GRIA3: variants seen among roughly 807,000 people sequenced by gnomAD.
The protein encoded by GRIA3 is glutamate receptor 3.
In GRIA3, 3 loss-of-function variants were observed where a neutral mutation model predicts 63.0. The observed-to-expected ratio is 0.05, with a 90% confidence interval of 0.02 to 0.12. GRIA3 has a LOEUF of 0.12. GRIA3 is among the 10% of genes least tolerant of loss of function. GRIA3 has a pLI of 1.00. For synonymous variants in GRIA3, 274 were observed against 257.9 expected, an observed-to-expected ratio of 1.06 and a Z score of -0.60; for missense variants, 347 against 700.9, an observed-to-expected ratio of 0.50 and a Z score of 5.70.
chrX:123,463,704 G>GAAAGAGAGAGAAAGAAAGAA (rs2045816026), intron 12 of GRIA3, among the ~76,000 whole-genome samples: 1 of 11,717 alleles, frequency 8.5e-5, no homozygotes, highest in African/African-American at 6.8e-4. Context: ...GAAAGAAAAA[G>GAAAGAGAGAGAAAGAAAGAA]AAAGAAAGAA....
rs2044918426 is a variant in GRIA3 at position 123,328,173 on chromosome X, G to A, written c.696+1960G>A. 2.7e-5 allele frequency among the ~76,000 whole-genome samples: 3 copies of A among 111,223 alleles called. No homozygotes were observed. In the Admixed American group the frequency reaches 2.9e-4, roughly 11 times the overall value. Reference sequence around the variant, plus strand: ...ATTCTATATAATTGTGGGACCTTGGGCACTTAAATATCTATGCCTCAGTTT... The same window carrying A: ...ATTCTATATAATTGTGGGACCTTGGACACTTAAATATCTATGCCTCAGTTT... On this transcript the variant is annotated intron_variant, in intron 4 of 15. Transcript: ENST00000620443.
intron 5 of GRIA3, among the ~76,000 whole-genome samples, chrX:123,370,199 C>T (rs1265349160): frequency 8.9e-6 from 1 of 111,935 alleles, no homozygotes; most frequent in Non-Finnish European, 1.9e-5. Flanking sequence ...AACTGCTGTC[C>T]TTCATACAAA....
intron 2 of GRIA3, among the ~76,000 whole-genome samples, chrX:123,222,877 T>C (rs1176755302): frequency 8.9e-6 from 1 of 112,309 alleles, no homozygotes; most frequent in Non-Finnish European, 1.9e-5. Context: ...CACCACGAGA[T>C]CTATATCAAG....
chrX:123,224,500 C>T (rs2044234980), intron 2 of GRIA3, among the ~76,000 whole-genome samples: 1 of 111,905 alleles, frequency 8.9e-6, no homozygotes, highest in South Asian at 3.7e-4. Flanking sequence ...CTAACCTATT[C>T]TCCTCGTTTT....
chrX:123,474,607 C>T (rs774812442), intron 13 of GRIA3, among the ~76,000 whole-genome samples: 8 of 110,889 alleles, frequency 7.2e-5, no homozygotes, highest in African/African-American at 1.6e-4. Flanking sequence ...CACTTGAACC[C>T]GGGAGGCGGA....
At chrX:123,264,071 G>T in intron 3 of GRIA3, among the ~76,000 whole-genome samples, 1 of 112,134 alleles carries the variant, frequency 8.9e-6, no homozygotes, top group East Asian at 2.8e-4. Flanking sequence ...GGAAACTGAG[G>T]TTGGCACAAA....
At chrX:123,331,927 G>A (rs150287653) in intron 4 of GRIA3, among the ~76,000 whole-genome samples, 124 of 111,641 alleles carry the variant, frequency 1.1e-3, no homozygotes, top group African/African-American at 3.8e-3. Flanking sequence ...GAAAGCACTT[G>A]GTACAGTGCT....
At position 123,390,971 on chromosome X, in the gene GRIA3, G is replaced by A. The variant is rs181164226; in HGVS notation, c.751-3997G>A. On this transcript the variant is annotated intron_variant, in intron 5 of 15. Coordinates refer to ENST00000620443, the MANE Select transcript of GRIA3 (RefSeq NM_007325.5). ...TCATTCAATGAATTATTCAGCTTTA[G>A]AATTTCTATGTGTTTTTCTTTTTAT... 2.0e-3 allele frequency among the ~76,000 whole-genome samples: 220 copies of A among 110,660 alleles called. 2 individuals are homozygous for A. The highest frequency in any genetic ancestry group is 7.0e-3 in the African/African-American group (213 of 30,504).
At chrX:123,395,588 T>C (rs1417398669) in intron 6 of GRIA3, among the ~76,000 whole-genome samples, 1 of 111,923 alleles carries the variant, frequency 8.9e-6, no homozygotes, top group East Asian at 2.8e-4. Context: ...ACATTGCCTA[T>C]ATGTATATTG....
At chrX:123,314,044 C>G (rs963017339) in intron 3 of GRIA3, among the ~76,000 whole-genome samples, 17 of 111,102 alleles carry the variant, frequency 1.5e-4, no homozygotes. Context: ...GCCTTCCCCC[C>G]ACTGCCACCC....
At chrX:123,251,494 G>A (rs950925320) in intron 2 of GRIA3, among the ~76,000 whole-genome samples, 16 of 111,299 alleles carry the variant, frequency 1.4e-4, no homozygotes, top group African/African-American at 3.3e-4. Context: ...GGAGTGCAGC[G>A]GCACGATCTC....
chrX:123,410,314 C>G (rs955526919), intron 10 of GRIA3, among the ~76,000 whole-genome samples: 1 of 111,668 alleles, frequency 9.0e-6, no homozygotes, highest in African/African-American at 3.3e-5. Context: ...GCAGTTACAA[C>G]TAAGGATAAA....
rs1407363073 is a variant in GRIA3 at position 123,490,791 on chromosome X, G to T, written c.*2081G>T. The T allele has an allele frequency of 8.9e-6, 1 of 112,059 alleles. No homozygotes were observed. The highest frequency in any genetic ancestry group is 1.9e-5 in the Non-Finnish European group (1 of 53,157). 9.2% of individuals were successfully genotyped at this position (112,059 alleles called of 1,213,427 possible). ...CTGTACTTCAGTGAACAGAAAAATT[G>T]CCAAGCAAACTAATGGCTATAAAAG... On this transcript the variant is annotated 3_prime_UTR_variant, in exon 16 of 16. Transcript: ENST00000620443.
chrX:123,187,636 C>A (rs1927315565), intron 2 of GRIA3, among the ~76,000 whole-genome samples: 1 of 111,860 alleles, frequency 8.9e-6, no homozygotes, highest in Non-Finnish European at 1.9e-5. Flanking sequence ...GGGTTTATTA[C>A]CATTAGTAAC....
At chrX:123,380,540 T>C (rs1167887554) in intron 5 of GRIA3, among the ~76,000 whole-genome samples, 1 of 111,995 alleles carries the variant, frequency 8.9e-6, no homozygotes, top group Non-Finnish European at 1.9e-5. Flanking sequence ...AGATTCTGGA[T>C]ATTAGCCCTT....
intron 12 of GRIA3, among the ~76,000 whole-genome samples, chrX:123,438,125 C>G (rs1471598502): frequency 2.7e-5 from 3 of 112,017 alleles, no homozygotes; most frequent in Non-Finnish European, 3.8e-5. Flanking sequence ...CAAATAGAAA[C>G]TCTATAACCA....
chrX:123,378,914 G>GT (rs374980564), intron 5 of GRIA3, among the ~76,000 whole-genome samples: 22 of 109,312 alleles, frequency 2.0e-4, no homozygotes, highest in East Asian at 5.7e-4. Context: ...ATTCAGATTA[G>GT]TTTTTTTTTA....
chrX:123,251,493 C>T lies in GRIA3; in HGVS notation c.269-1810C>T, dbSNP rs113552943. 6.4e-3 allele frequency among the ~76,000 whole-genome samples: 713 copies of T among 111,091 alleles called. 7 individuals are homozygous for T. Among genetic ancestry groups the T allele is most frequent in the African/African-American group, 0.022 (665 of 30,510 alleles). The stretch of plus-strand genomic sequence containing the variant: ...GTCGGTCGCCCAGGCTGGAGTGCAG[C>T]GGCACGATCTCGGCTCACTGCAACC... On this transcript the variant is annotated intron_variant, in intron 2 of 15. Transcript: ENST00000620443.
intron 5 of GRIA3, among the ~76,000 whole-genome samples, chrX:123,361,909 T>TA: frequency 8.9e-6 from 1 of 111,964 alleles, no homozygotes; most frequent in Middle Eastern, 4.6e-3. Flanking sequence ...ATAAATTACT[T>TA]AAAAAATGAA....
Sources: gnomAD v4.1 joint callset for allele counts (sites outside exome capture counted in the v4.1 genomes callset) on GRCh38, gnomAD v4.1.1 for gene constraint, MANE v1.5 for transcripts, NCBI Gene and HGNC (gene_info 2026-07-23, HGNC 2026-07-21) for gene names.